The following SGMS1 variants were observed in gnomAD, a reference collection of about 807,000 sequenced individuals.
The protein encoded by SGMS1 is phosphatidylcholine:ceramide cholinephosphotransferase 1.
In SGMS1, 13 loss-of-function variants were observed where a neutral mutation model predicts 46.2. That is an observed-to-expected ratio of 0.28 (90% CI 0.18 to 0.45). The LOEUF (loss-of-function observed/expected upper bound fraction) is 0.45, where lower values mean the gene tolerates loss of function less well. Among genes scored for constraint, SGMS1 ranks in the 20% least tolerant of loss-of-function variants. The pLI is 1.00. For missense variants in SGMS1, 324 were observed against 519.9 expected, an observed-to-expected ratio of 0.62 and a Z score of 3.66; for synonymous variants, 203 against 187.8, an observed-to-expected ratio of 1.08 and a Z score of -0.66.
chr10:50,419,126 G>A (rs1418620578), intron 6 of SGMS1, among the ~76,000 whole-genome samples: 1 of 152,030 alleles, frequency 6.6e-6, no homozygotes, highest in Non-Finnish European at 1.5e-5. Context: ...CAGGACCATC[G>A]AGATTTCAGG....
intron 1 of SGMS1, among the ~76,000 whole-genome samples, chr10:50,612,426 G>A (rs1041745746): frequency 2.0e-5 from 3 of 152,196 alleles, no homozygotes; most frequent in Non-Finnish European, 1.5e-5. Flanking sequence ...ACTGGGGAAG[G>A]TAGTGCTGAA....
In SGMS1 at chr10:50,308,117, C is replaced by A; in HGVS notation, c.927G>T (p.Trp309Cys). The change falls in exon 10 of 11, where the codon TGG (tryptophan) becomes TGT (cysteine). Residue 309 changes from tryptophan (W) to cysteine (C), a missense_variant. By Grantham distance (215) the Trp-to-Cys change is radical. Coordinates refer to ENST00000361781, the MANE Select transcript of SGMS1 (RefSeq NM_147156.4). Reference protein sequence around the residue: ...YSPRRLWWYHWICWLLSVVGI... With the variant: ...YSPRRLWWYHCICWLLSVVGI... Reference sequence around the variant, plus strand: ...CAACTACGCTGAGAAGCCAGCAAATCCAGTGATACCACCAGAGTCGCCGAG... The same window carrying A: ...CAACTACGCTGAGAAGCCAGCAAATACAGTGATACCACCAGAGTCGCCGAG... 5.0e-6 allele frequency: 8 copies of A among 1,613,872 alleles called. No homozygotes were observed. Among genetic ancestry groups the A allele is most frequent in the Non-Finnish European group, 5.9e-6 (7 of 1,179,878 alleles).
intron 2 of SGMS1, among the ~76,000 whole-genome samples, chr10:50,550,300 G>C (rs1302950740): frequency 6.6e-6 from 1 of 152,068 alleles, no homozygotes; most frequent in African/African-American, 2.4e-5. Context: ...GCAAATAATA[G>C]GCCACTGCTT....
intron 3 of SGMS1, among the ~76,000 whole-genome samples, chr10:50,482,155 CA>C (rs1837482819): frequency 6.6e-6 from 1 of 152,156 alleles, no homozygotes; most frequent in African/African-American, 2.4e-5. Context: ...CATTCAAACT[CA>C]GGAAATACAG....
rs545590937 is a variant in SGMS1, at chr10:50,357,961, T to C, written c.-231-13616A>G. On this transcript the variant is annotated intron_variant, in intron 6 of 10. Coordinates refer to ENST00000361781, the MANE Select transcript of SGMS1 (RefSeq NM_147156.4). ...CTCTTAGACTTATAGTGAACCAAAC[T>C]TTTGGCTTCACGTATCAAACCTCTA... is the stretch of plus-strand genomic sequence containing the variant. 3.9e-4 allele frequency among the ~76,000 whole-genome samples: 59 copies of C among 152,226 alleles called. 1 individual carries two copies. The highest frequency in any genetic ancestry group is 4.6e-4 in the Non-Finnish European group (31 of 68,006).
intron 6 of SGMS1, among the ~76,000 whole-genome samples, chr10:50,432,030 C>T (rs1459896841): frequency 1.3e-5 from 2 of 152,164 alleles, no homozygotes; most frequent in East Asian, 3.9e-4. Context: ...ACAGCAAGCA[C>T]TGACTCAAAA....
At position 50,470,771 on chromosome 10, in the gene SGMS1, T is replaced by C. The variant is rs1291544116; in HGVS notation, c.-497-3839A>G. Among the ~76,000 whole-genome samples the C allele has an allele frequency of 3.3e-5, 5 of 152,132 alleles. No homozygotes were observed. In the East Asian group the frequency reaches 9.7e-4, roughly 29 times the overall value. On this transcript the variant is annotated intron_variant, in intron 3 of 10. Transcript: ENST00000361781. ...GATTGTCTTGGGCAAGTTACAGAGC[T>C]CCTCTCTCAAAACTGCTGGCTGAGA...
chr10:50,469,815 G>A (rs1329077036), intron 3 of SGMS1, among the ~76,000 whole-genome samples: 1 of 152,050 alleles, frequency 6.6e-6, no homozygotes, highest in African/African-American at 2.4e-5. Flanking sequence ...AGGTTCAGAG[G>A]GTAAAAAGGA....
chr10:50,601,749 C>A (rs185454737), intron 1 of SGMS1, among the ~76,000 whole-genome samples: 2 of 152,144 alleles, frequency 1.3e-5, no homozygotes, highest in African/African-American at 2.4e-5. Flanking sequence ...ATGCTTGGAA[C>A]CAGAAGTATT....
At chr10:50,594,945 T>A (rs1033785441) in intron 1 of SGMS1, among the ~76,000 whole-genome samples, 1 of 152,170 alleles carries the variant, frequency 6.6e-6, no homozygotes, top group Non-Finnish European at 1.5e-5. Context: ...TGGAAGAAAC[T>A]GAGGTACAGG....
intron 3 of SGMS1, among the ~76,000 whole-genome samples, chr10:50,467,517 C>T (rs549129008): frequency 6.6e-6 from 1 of 152,180 alleles, no homozygotes; most frequent in South Asian, 2.1e-4. Flanking sequence ...AAATATGACC[C>T]TTTGTAAGTA....
intron 6 of SGMS1, among the ~76,000 whole-genome samples, chr10:50,427,749 G>C (rs1849347690): frequency 6.6e-6 from 1 of 152,096 alleles, no homozygotes; most frequent in African/African-American, 2.4e-5. Flanking sequence ...CATACTCTTC[G>C]ATTCCTGAAG....
chr10:50,338,007 T>G (rs1847744149), intron 7 of SGMS1, among the ~76,000 whole-genome samples: 1 of 152,172 alleles, frequency 6.6e-6, no homozygotes, highest in South Asian at 2.1e-4. Flanking sequence ...GTTGTATCTG[T>G]TCATTCCTGC....
intron 3 of SGMS1, among the ~76,000 whole-genome samples, chr10:50,514,768 A>C (rs1433160430): frequency 6.6e-6 from 1 of 152,206 alleles, no homozygotes; most frequent in East Asian, 1.9e-4. Flanking sequence ...GGTAGTTATT[A>C]GGTGGGGAAA....
rs1023134564 is a variant in SGMS1 at position 50,378,537 on chromosome 10, A to G, written c.-231-34192T>C. Among the ~76,000 whole-genome samples, 17 of 152,242 alleles carry G rather than the reference A, an allele frequency of 1.1e-4. 1 individual carries two copies. Among genetic ancestry groups the G allele is most frequent in the Admixed American group, 2.0e-4 (3 of 15,282 alleles). ...TTCATTCACAGCCAACTACAGCAGT[A>G]AAATTTAAAATGTTTTCAGAACCAC... On this transcript the variant is annotated intron_variant, in intron 6 of 10. Transcript: ENST00000361781.
intron 7 of SGMS1, chr10:50,335,585 C>G (rs184534240): frequency 1.4e-4 from 22 of 152,326 alleles, no homozygotes; most frequent in Non-Finnish European, 2.8e-4. Context: ...TAACCACATG[C>G]TTCACCACCA....
At chr10:50,567,874 C>T (rs988546019) in intron 2 of SGMS1, among the ~76,000 whole-genome samples, 1 of 152,194 alleles carries the variant, frequency 6.6e-6, no homozygotes, top group Non-Finnish European at 1.5e-5. Context: ...TCAGACTTTC[C>T]AGAAATATTA....
chr10:50,443,301 C>T (rs1194247371), intron 5 of SGMS1, among the ~76,000 whole-genome samples: 1 of 152,122 alleles, frequency 6.6e-6, no homozygotes. Context: ...CAATTTTAAA[C>T]ACAGTTCTTC....
intron 1 of SGMS1, among the ~76,000 whole-genome samples, chr10:50,601,878 T>C (rs1838653183): frequency 1.3e-5 from 2 of 152,232 alleles, no homozygotes; most frequent in Non-Finnish European, 2.9e-5. Context: ...ACCTTCTACA[T>C]ATAGCCTGAA....
Sources: allele counts gnomAD v4.1 joint callset (sites outside exome capture counted in the v4.1 genomes callset), GRCh38; gene constraint gnomAD v4.1.1; transcripts MANE v1.5; gene names NCBI Gene and HGNC (gene_info 2026-07-23, HGNC 2026-07-21).